The following CYTH3 variants were observed in gnomAD, a reference collection of about 807,000 sequenced individuals.
CYTH3 encodes the protein cytohesin-3.
CYTH3 carries 23 observed loss-of-function variants against 55.1 expected under a neutral mutation model. The observed-to-expected ratio is 0.42, with a 90% CI of 0.30 to 0.59. CYTH3 has a LOEUF of 0.59. Among genes scored for constraint, CYTH3 ranks in the 20% least tolerant of loss-of-function variants. The pLI is 0.20. For synonymous variants in CYTH3, 249 were observed against 194.9 expected, an observed-to-expected ratio of 1.28 and a Z score of -2.31; for missense variants, 413 against 524.8, an observed-to-expected ratio of 0.79 and a Z score of 2.08.
intron 5 of CYTH3, among the ~76,000 whole-genome samples, chr7:6,175,297 G>A (rs919955795): frequency 2.0e-5 from 3 of 152,144 alleles, no homozygotes; most frequent in East Asian, 3.9e-4. Flanking sequence ...CACCATGCCC[G>A]GCCAGCCTTC....
chr7:6,190,372 G>A (rs1240336133), intron 2 of CYTH3, 77 bp downstream of exon 2: 2 of 777,978 alleles, frequency 2.6e-6, no homozygotes, highest in Non-Finnish European at 3.5e-6. Context: ...ACATTTTTGT[G>A]AGGCTACTCT....
chr7:6,217,138 C>T (rs951419123), intron 1 of CYTH3, among the ~76,000 whole-genome samples: 1 of 152,270 alleles, frequency 6.6e-6, no homozygotes, highest in Non-Finnish European at 1.5e-5. Flanking sequence ...GTCTCGAACT[C>T]CTAACCTCAG....
At chr7:6,227,369 G>C (rs1779283581) in intron 1 of CYTH3, among the ~76,000 whole-genome samples, 1 of 151,862 alleles carries the variant, frequency 6.6e-6, no homozygotes, top group Admixed American at 6.6e-5. Context: ...AAGTCAAATA[G>C]TACTGAAAGG....
At chr7:6,244,407 A>G (rs1407219195) in intron 1 of CYTH3, among the ~76,000 whole-genome samples, 1 of 152,274 alleles carries the variant, frequency 6.6e-6, no homozygotes, top group East Asian at 1.9e-4. Flanking sequence ...GAAGTACCCT[A>G]GTAGAATCCA....
chr7:6,222,430 G>T (rs1371338039), intron 1 of CYTH3, among the ~76,000 whole-genome samples: 1 of 152,054 alleles, frequency 6.6e-6, no homozygotes, highest in Non-Finnish European at 1.5e-5. Context: ...AAGAATCCCA[G>T]GCAAATGTTA....
At chr7:6,213,702 G>T (rs1784369659) in intron 1 of CYTH3, among the ~76,000 whole-genome samples, 2 of 151,948 alleles carry the variant, frequency 1.3e-5, no homozygotes, top group South Asian at 4.1e-4. Context: ...CTCTTCGGGT[G>T]TCTGAAGACA....
intron 1 of CYTH3, among the ~76,000 whole-genome samples, chr7:6,241,877 G>C (rs766128829): frequency 1.6e-4 from 24 of 152,050 alleles, no homozygotes; most frequent in Non-Finnish European, 2.6e-4. Context: ...AAAAAGGTGA[G>C]GTGTAACAGG....
intron 1 of CYTH3, among the ~76,000 whole-genome samples, chr7:6,250,347 T>C (rs931004419): frequency 2.0e-5 from 3 of 152,202 alleles, no homozygotes; most frequent in South Asian, 2.1e-4. Flanking sequence ...ACTTCAACCT[T>C]TTCAATAGGA....
At chr7:6,270,020 T>G (rs1780611628) in intron 1 of CYTH3, among the ~76,000 whole-genome samples, 1 of 152,200 alleles carries the variant, frequency 6.6e-6, no homozygotes, top group Admixed American at 6.5e-5. Flanking sequence ...CCAAAAAATG[T>G]TATGCTTTAT....
chr7:6,210,199 G>A (rs1459476955), intron 1 of CYTH3, among the ~76,000 whole-genome samples: 1 of 151,858 alleles, frequency 6.6e-6, no homozygotes, highest in African/African-American at 2.4e-5. Flanking sequence ...TATGTGCTGG[G>A]AGGCGGTGAG....
intron 1 of CYTH3, among the ~76,000 whole-genome samples, chr7:6,204,982 T>C (rs945342581): frequency 3.9e-5 from 6 of 151,938 alleles, no homozygotes; most frequent in African/African-American, 1.2e-4. Flanking sequence ...TTGGGCAACA[T>C]GGCGAAGACC....
chr7:6,173,764 A>C, intron 5 of CYTH3, 31 bp from the exon 6 acceptor site: 4 of 1,288,364 alleles, frequency 3.1e-6, no homozygotes, highest in Non-Finnish European at 4.5e-6. Context: ...TTTCAAACCT[A>C]ATGTACATTA....
At position 6,218,510 on chromosome 7, in the gene CYTH3, C is replaced by T. The variant is rs1027577226; in HGVS notation, c.35-27979G>A. Among the ~76,000 whole-genome samples the T allele has an allele frequency of 2.0e-5, 3 of 152,182 alleles. 1 individual carries two copies. The East Asian group carries it at 5.8e-4, about 29-fold the overall frequency. ...AGAACAGTACAAGAATAAATGTGTG[C>T]TATTTTAAGGCACAAAATGTGTGGT... On this transcript the variant is annotated intron_variant, in intron 1 of 12. Coordinates refer to ENST00000350796, the MANE Select transcript of CYTH3 (RefSeq NM_004227.4).
At chr7:6,193,121 G>A (rs934320041) in intron 1 of CYTH3, among the ~76,000 whole-genome samples, 2 of 151,952 alleles carry the variant, frequency 1.3e-5, no homozygotes, top group African/African-American at 2.4e-5. Flanking sequence ...GCAGTGAGCC[G>A]AGATCCCACC....
Position 6,190,542 on chromosome 7 carries a change from A to T in CYTH3, c.35-11T>A. The T allele has an allele frequency of 6.7e-7, 1 of 1,501,728 alleles. No homozygotes were observed. The highest frequency in any genetic ancestry group is 8.8e-7 in the Non-Finnish European group (1 of 1,136,196). 93.0% of individuals were successfully genotyped at this position (1,501,728 alleles called of 1,614,324 possible). On this transcript the variant is annotated splice_polypyrimidine_tract_variant and intron_variant, in intron 1 of 12. Coordinates refer to ENST00000350796, the MANE Select transcript of CYTH3 (RefSeq NM_004227.4). ...AGAGGTCTTCAGGCACTGAAAGAAG[A>T]AAAAAATAATTAACTACTTTGGAGA... is the stretch of plus-strand genomic sequence containing the variant.
chr7:6,176,704 G>C (rs537968518), intron 5 of CYTH3, among the ~76,000 whole-genome samples: 1 of 152,006 alleles, frequency 6.6e-6, no homozygotes, highest in Non-Finnish European at 1.5e-5. Context: ...TTCCAATTTG[G>C]ATGTCTTTAT....
At position 6,164,629 on chromosome 7, in the gene CYTH3, C is replaced by T. The variant is rs991472027; in HGVS notation, c.*315G>A. 1.0e-5 allele frequency: 4 copies of T among 400,384 alleles called. No homozygotes were observed. Among genetic ancestry groups the T allele is most frequent in the Admixed American group, 8.0e-5 (2 of 25,082 alleles). The allele number at this position is 400,384 out of a possible 1,614,324, so 24.8% of individuals were successfully genotyped here. On this transcript the variant is annotated 3_prime_UTR_variant, in exon 13 of 13. Transcript: ENST00000350796. The stretch of plus-strand genomic sequence containing the variant: ...TCCTGGCTTCTCCCCCTAGGGGCGC[C>T]GGGATGGTCGCAGGAAGGAAATGCT...
intron 1 of CYTH3, among the ~76,000 whole-genome samples, chr7:6,190,808 G>A (rs1783783379): frequency 6.6e-6 from 1 of 152,286 alleles, no homozygotes; most frequent in Admixed American, 6.5e-5. Flanking sequence ...CAGGCACGGT[G>A]GCTCATGCCT....
chr7:6,189,106 T>C (rs990606713), intron 2 of CYTH3, among the ~76,000 whole-genome samples: 10 of 152,180 alleles, frequency 6.6e-5, no homozygotes, highest in Non-Finnish European at 1.3e-4. Flanking sequence ...CCATGTCTGA[T>C]TGACTTTCCC....
Sources: allele counts gnomAD v4.1 joint callset (sites outside exome capture counted in the v4.1 genomes callset), GRCh38; gene constraint gnomAD v4.1.1; transcripts MANE v1.5; gene names NCBI Gene and HGNC (gene_info 2026-07-23, HGNC 2026-07-21).